The following ASPRV1 variants were observed in gnomAD, a reference collection of about 807,000 sequenced individuals.
ASPRV1 encodes aspartic peptidase retroviral like 1, also known as retroviral-like aspartic protease 1.
In ASPRV1, 7 loss-of-function variants were observed where a neutral mutation model predicts 11.0. The ratio of observed to expected loss-of-function variants is 0.64; its 90% CI spans 0.36 to 1.20. The LOEUF (loss-of-function observed/expected upper bound fraction) is 1.20. Among genes scored for constraint, ASPRV1 ranks in the 50% most tolerant of loss-of-function variants. ASPRV1 has a pLI of 0.02. For missense variants in ASPRV1, 299 were observed against 320.0 expected (o/e 0.93, Z 0.50); for synonymous variants, 136 against 138.4 (o/e 0.98, Z 0.12).
chr2:70,040,900 G>A, the ASPRV1 span, among the ~76,000 whole-genome samples: 27 of 152,158 alleles, frequency 1.8e-4, no homozygotes, highest in Non-Finnish European at 3.4e-4. Flanking sequence ...TAAACTACAA[G>A]CTCTATTTAA....
the ASPRV1 span, chr2:69,996,933 T>C: frequency 3.2e-6 from 1 of 311,372 alleles, no homozygotes; most frequent in Non-Finnish European, 6.4e-6. Flanking sequence ...CATCTTCAGA[T>C]GAGGGGACAG....
chr2:69,975,658 G>C, the ASPRV1 span: 1 of 152,386 alleles, frequency 6.6e-6, no homozygotes, highest in Admixed American at 6.5e-5. Flanking sequence ...AAGGAAAGGA[G>C]CGTGAAGGAG....
chr2:70,044,797 T>C, the ASPRV1 span, among the ~76,000 whole-genome samples: 5 of 152,272 alleles, frequency 3.3e-5, no homozygotes, highest in Non-Finnish European at 7.4e-5. Flanking sequence ...TTCACTGCAG[T>C]AGTCACACAA....
the ASPRV1 span, among the ~76,000 whole-genome samples, chr2:69,968,793 G>A: frequency 6.6e-6 from 1 of 152,170 alleles, no homozygotes; most frequent in Non-Finnish European, 1.5e-5. Flanking sequence ...CTGGTCGCTG[G>A]GGACAAGCAG....
chr2:69,983,255 C>T, the ASPRV1 span, among the ~76,000 whole-genome samples: 17 of 152,196 alleles, frequency 1.1e-4, no homozygotes, highest in Middle Eastern at 3.2e-3. Context: ...CTCATTGGAG[C>T]GTCTTGTACT....
the ASPRV1 span, chr2:69,976,473 C>A: frequency 6.6e-6 from 1 of 152,260 alleles, no homozygotes; most frequent in African/African-American, 2.4e-5. Context: ...CCCTCGGGTT[C>A]TTGGATAGCA....
At chr2:69,953,733 A>G in the ASPRV1 span, among the ~76,000 whole-genome samples, 8 of 151,972 alleles carry the variant, frequency 5.3e-5, no homozygotes, top group African/African-American at 1.9e-4. Flanking sequence ...TTTGAGAGCA[A>G]GTCTCACTCT....
chr2:70,054,745 A>T, the ASPRV1 span, among the ~76,000 whole-genome samples: 2 of 152,130 alleles, frequency 1.3e-5, no homozygotes, highest in Admixed American at 1.3e-4. Flanking sequence ...ATTTCAAATA[A>T]CCACATCTCC....
At chr2:70,027,676 TTAC>T in the ASPRV1 span, among the ~76,000 whole-genome samples, 1 of 152,194 alleles carries the variant, frequency 6.6e-6, no homozygotes, top group South Asian at 2.1e-4. Flanking sequence ...AAAATGGTGG[TTAC>T]TACAGGCCAG....
At chr2:69,999,903 C>A in the ASPRV1 span, among the ~76,000 whole-genome samples, 1 of 151,926 alleles carries the variant, frequency 6.6e-6, no homozygotes, top group East Asian at 1.9e-4. Flanking sequence ...TCCTCCCTCT[C>A]CCACCCAAGG....
the ASPRV1 span, among the ~76,000 whole-genome samples, chr2:70,067,271 A>G: frequency 6.6e-6 from 1 of 152,162 alleles, no homozygotes; most frequent in East Asian, 1.9e-4. Context: ...TTGGGGCTTT[A>G]GCCGCTGCAT....
the ASPRV1 span, among the ~76,000 whole-genome samples, chr2:70,000,336 C>CCACACACACACACA: frequency 7.9e-6 from 1 of 126,330 alleles, no homozygotes; most frequent in African/African-American, 3.2e-5. Flanking sequence ...AAAAAAAAAA[C>CCACACACACACACA]CACACACACA....
At chr2:70,073,295 T>G in the ASPRV1 span, 6 of 152,202 alleles carry the variant, frequency 3.9e-5, no homozygotes, top group Middle Eastern at 6.8e-3. Context: ...TTATTCTAAA[T>G]AAAAACAAAA....
In ASPRV1 at chr2:69,961,218, G is replaced by A. The variant is rs1159990902; in HGVS notation, c.219C>T (p.Asp73=). The A allele has an allele frequency of 6.2e-7, 1 of 1,614,036 alleles. No individual in the cohort carries two copies. The change falls in exon 1 of 1, where the codon GAC becomes GAT. Residue 73 remains aspartate, a synonymous_variant. Coordinates refer to ENST00000320256, the MANE Select transcript of ASPRV1 (RefSeq NM_152792.4). ...LGVYNRLSPQ[D]QGDYGTVKEA... ...CTTTCACAGTCCCATAGTCTCCCTG[G>A]TCCTGGGGACTGAGCCTATTGTAGA... is the stretch of plus-strand genomic sequence containing the variant.
At chr2:69,983,563 T>C in the ASPRV1 span, among the ~76,000 whole-genome samples, 1 of 152,110 alleles carries the variant, frequency 6.6e-6, no homozygotes, top group African/African-American at 2.4e-5. Flanking sequence ...TGGGCTGGGC[T>C]GGATGTGGCA....
chr2:69,961,576 GA>G lies in ASPRV1; in HGVS notation c.-141del, dbSNP rs753644020. On this transcript the variant is annotated 5_prime_UTR_variant, in exon 1 of 1. Coordinates refer to ENST00000320256, the MANE Select transcript of ASPRV1 (RefSeq NM_152792.4). ...GACTTGCCCGGCCTTGGGCAAGCAG[GA>G]GGGAGCAGGCGCGGTCGGCTGGCTG... 3.7e-6 allele frequency: 6 copies of G among 1,614,054 alleles called. No individual in the cohort carries two copies. The highest frequency in any genetic ancestry group is 1.7e-6 in the Non-Finnish European group (2 of 1,179,948).
downstream of ASPRV1, among the ~76,000 whole-genome samples, chr2:69,958,441 T>A (rs773158541): frequency 5.9e-5 from 9 of 152,124 alleles, no homozygotes; most frequent in Non-Finnish European, 1.2e-4. Flanking sequence ...GGACACAGCA[T>A]CCCATTTGCA....
the ASPRV1 span, chr2:69,940,077 CTGTTTT>C: frequency 1.8e-5 from 2 of 114,250 alleles, no homozygotes; most frequent in Non-Finnish European, 3.3e-5. Flanking sequence ...TGTAATTCTT[CTGTTTT>C]TGTTTTGTTC....
At chr2:70,066,634 G>A in the ASPRV1 span, among the ~76,000 whole-genome samples, 1 of 151,786 alleles carries the variant, frequency 6.6e-6, no homozygotes, top group Non-Finnish European at 1.5e-5. Context: ...GTCTCCCTCT[G>A]TCACCAAGGC....
Sources: allele counts gnomAD v4.1 joint callset (sites outside exome capture counted in the v4.1 genomes callset), GRCh38; gene constraint gnomAD v4.1.1; transcripts MANE v1.5; gene names NCBI Gene and HGNC (gene_info 2026-07-23, HGNC 2026-07-21).